Variants in ZNF423 observed in about 807,000 individuals in gnomAD.
ZNF423 encodes zinc finger protein 423.
ZNF423 carries 12 observed loss-of-function variants against 95.8 expected under a neutral mutation model. The ratio of observed to expected loss-of-function variants is 0.13; its 90% CI spans 0.08 to 0.20. The LOEUF is 0.20. ZNF423 is among the 10% of genes least tolerant of loss of function. The pLI is 1.00. For missense variants in ZNF423, 1,316 were observed against 1,737.1 expected, an observed-to-expected ratio of 0.76 and a Z score of 4.31; for synonymous variants, 749 against 711.9, an observed-to-expected ratio of 1.05 and a Z score of -0.83.
chr16:49,557,529 G>A (rs1969870184), intron 5 of ZNF423, among the ~76,000 whole-genome samples: 1 of 152,224 alleles, frequency 6.6e-6, no homozygotes, highest in African/African-American at 2.4e-5. Flanking sequence ...GGGTGGTGGT[G>A]GGGACACGGG....
At chr16:49,645,360 C>A (rs1439136113) in intron 3 of ZNF423, among the ~76,000 whole-genome samples, 2 of 152,168 alleles carry the variant, frequency 1.3e-5, no homozygotes, top group African/African-American at 4.8e-5. Flanking sequence ...ACAAGCCCAG[C>A]TAATTGGTAG....
chr16:49,664,312 C>T, intron 3 of ZNF423: 2 of 985,646 alleles, frequency 2.0e-6, no homozygotes, highest in Middle Eastern at 5.2e-4. Flanking sequence ...CGCGGCGGCG[C>T]TTGGCGGAGG....
At chr16:49,657,583 G>A (rs909138492) in intron 3 of ZNF423, among the ~76,000 whole-genome samples, 1 of 152,234 alleles carries the variant, frequency 6.6e-6, no homozygotes, top group East Asian at 1.9e-4. Flanking sequence ...ACCTAAAAGG[G>A]CCTGGAGCCA....
chr16:49,731,175 G>C, intron 2 of ZNF423: 1 of 501,988 alleles, frequency 2.0e-6, no homozygotes, highest in Non-Finnish European at 2.6e-6. Context: ...TTTAATTCTT[G>C]GTGCAAATCT....
Position 49,635,708 on chromosome 16 carries a change from C to A in ZNF423, c.3468G>T (p.Pro1156=). The change falls in exon 4 of 8, where the codon CCG becomes CCT. Residue 1156 remains proline, a synonymous_variant. Coordinates refer to ENST00000563137, the MANE Select transcript of ZNF423 (RefSeq NM_001379286.1). The surrounding 1 kb of genome is among the most constrained non-coding windows in gnomAD (Gnocchi z 4.8). The part of the protein sequence containing the change: ...HMQVDHRDLT[P]ETSGPRKGTQ... ...TGCCTTTCCGGGGCCCACTGGTCTCCGGCGTGAGGTCACGGTGGTCCACCT... is the reference window on the plus strand; with the variant it reads ...TGCCTTTCCGGGGCCCACTGGTCTCAGGCGTGAGGTCACGGTGGTCCACCT... 9 of 1,602,202 alleles carry A rather than the reference C, an allele frequency of 5.6e-6. No homozygotes were observed. The highest frequency in any genetic ancestry group is 1.3e-5 in the African/African-American group (1 of 74,364).
At chr16:49,836,162 T>A (rs1182894410) in intron 1 of ZNF423, among the ~76,000 whole-genome samples, 1 of 152,188 alleles carries the variant, frequency 6.6e-6, no homozygotes, top group African/African-American at 2.4e-5. Context: ...ACTTCGCACC[T>A]AGCAGAACAG....
intron 1 of ZNF423, among the ~76,000 whole-genome samples, chr16:49,844,485 ACCT>A (rs949437996): frequency 2.0e-5 from 3 of 152,148 alleles, no homozygotes; most frequent in African/African-American, 7.2e-5. Context: ...TGCAGCTCCC[ACCT>A]CCTCATCAGG....
intron 5 of ZNF423, among the ~76,000 whole-genome samples, chr16:49,532,551 C>T (rs1264535212): frequency 1.3e-5 from 2 of 152,168 alleles, no homozygotes; most frequent in South Asian, 2.1e-4. Context: ...CCGGGCCCCA[C>T]GGGGGACCCA....
At chr16:49,612,258 T>C (rs1051913792) in intron 5 of ZNF423, among the ~76,000 whole-genome samples, 3 of 151,868 alleles carry the variant, frequency 2.0e-5, no homozygotes, top group Non-Finnish European at 4.4e-5. Context: ...AAATAGCAGT[T>C]AGCAATATAT....
At chr16:49,560,268 C>T (rs1969972573) in intron 5 of ZNF423, among the ~76,000 whole-genome samples, 1 of 152,174 alleles carries the variant, frequency 6.6e-6, no homozygotes, top group African/African-American at 2.4e-5. Flanking sequence ...GGAAACTTGG[C>T]CAATCATTTC....
chr16:49,615,297 AG>A (rs901071887), intron 5 of ZNF423, among the ~76,000 whole-genome samples: 5 of 152,220 alleles, frequency 3.3e-5, no homozygotes, highest in African/African-American at 1.2e-4. Flanking sequence ...ATAATGTTTT[AG>A]TAGAGTATGT....
chr16:49,552,354 C>T (rs1341726859), intron 5 of ZNF423, among the ~76,000 whole-genome samples: 1 of 152,160 alleles, frequency 6.6e-6, no homozygotes, highest in African/African-American at 2.4e-5. Flanking sequence ...ATACTTGATG[C>T]CTCCCTGATG....
intron 7 of ZNF423, among the ~76,000 whole-genome samples, chr16:49,521,777 G>A (rs1009333765): frequency 2.0e-5 from 3 of 152,214 alleles, no homozygotes; most frequent in African/African-American, 4.8e-5. Flanking sequence ...GCTCCTCGGG[G>A]CCAGCCCTGA....
At chr16:49,752,123 T>C (rs1250219188) in intron 2 of ZNF423, among the ~76,000 whole-genome samples, 1 of 152,170 alleles carries the variant, frequency 6.6e-6, no homozygotes, top group African/African-American at 2.4e-5. Flanking sequence ...GTGGCCACAT[T>C]TCCCCCTGCC....
intron 5 of ZNF423, among the ~76,000 whole-genome samples, chr16:49,558,928 C>T (rs1416033688): frequency 1.3e-5 from 2 of 152,212 alleles, no homozygotes; most frequent in Non-Finnish European, 2.9e-5. Flanking sequence ...CCAGCAATGA[C>T]ATCAGAACCA....
At chr16:49,553,043 T>A (rs1969699315) in intron 5 of ZNF423, among the ~76,000 whole-genome samples, 1 of 152,156 alleles carries the variant, frequency 6.6e-6, no homozygotes, top group South Asian at 2.1e-4. Context: ...AGCTTTCTCC[T>A]GGGATGCTGT....
chr16:49,554,013 C>T (rs1346383535), intron 5 of ZNF423, among the ~76,000 whole-genome samples: 2 of 152,172 alleles, frequency 1.3e-5, no homozygotes, highest in Non-Finnish European at 2.9e-5. Context: ...CTCCCAACTG[C>T]CCCTCCAGTG....
intron 1 of ZNF423, among the ~76,000 whole-genome samples, chr16:49,825,949 G>T (rs79270255): frequency 6.6e-6 from 1 of 152,140 alleles, no homozygotes; most frequent in South Asian, 2.1e-4. Flanking sequence ...GGTGGCTCAC[G>T]CCTATAATCC....
At chr16:49,522,918 G>A (rs1968459220) in intron 7 of ZNF423, among the ~76,000 whole-genome samples, 1 of 152,194 alleles carries the variant, frequency 6.6e-6, no homozygotes. Context: ...AGAGAAAGCA[G>A]TTTCACTTGG....
Sources: gnomAD v4.1 joint callset for allele counts (sites outside exome capture counted in the v4.1 genomes callset) on GRCh38, gnomAD v4.1.1 for gene constraint, Gnocchi (gnomAD v3.1) non-coding constraint, MANE v1.5 for transcripts, NCBI Gene and HGNC (gene_info 2026-07-23, HGNC 2026-07-21) for gene names.